The following KLRG1 variants were observed in gnomAD, a reference collection of about 807,000 sequenced individuals.
The protein encoded by KLRG1 is killer cell lectin-like receptor subfamily G member 1.
A neutral mutation model predicts 21.8 loss-of-function variants in KLRG1; 16 were observed. That is an observed-to-expected ratio of 0.73 (90% CI 0.50 to 1.11). The LOEUF (loss-of-function observed/expected upper bound fraction) is 1.11, where lower values mean the gene tolerates loss of function less well. Among genes scored for constraint, KLRG1 ranks in the 50% most tolerant of loss-of-function variants. The probability of loss-of-function intolerance (pLI) is 0.00; values close to 1 mark genes in which losing one functional copy is unlikely to be tolerated. For missense variants in KLRG1, 173 were observed against 218.3 expected, an observed-to-expected ratio of 0.79 and a Z score of 1.31; for synonymous variants, 69 against 75.9, an observed-to-expected ratio of 0.91 and a Z score of 0.47.
intron 1 of KLRG1, among the ~76,000 whole-genome samples, chr12:8,975,857 C>A (rs1946649820): frequency 6.6e-6 from 1 of 152,048 alleles, no homozygotes; most frequent in Non-Finnish European, 1.5e-5. Context: ...CCACTGGGCC[C>A]AGCTTTTTTT....
At chr12:9,071,791 G>A in the KLRG1 span, among the ~76,000 whole-genome samples, 1 of 152,122 alleles carries the variant, frequency 6.6e-6, no homozygotes, top group Non-Finnish European at 1.5e-5. Flanking sequence ...TTTGATGTGT[G>A]CCAGTTATTT....
chr12:9,074,369 C>T, the KLRG1 span, among the ~76,000 whole-genome samples: 2 of 152,172 alleles, frequency 1.3e-5, no homozygotes, highest in South Asian at 2.1e-4. Flanking sequence ...TGCCGGGATT[C>T]TGAGCATTTC....
the KLRG1 span, among the ~76,000 whole-genome samples, chr12:9,061,979 T>C: frequency 1.3e-5 from 2 of 151,958 alleles, no homozygotes; most frequent in Non-Finnish European, 2.9e-5. Context: ...TTATATAGTG[T>C]ATAAAAAATC....
chr12:9,100,619 A>G, the KLRG1 span, among the ~76,000 whole-genome samples: 1 of 152,184 alleles, frequency 6.6e-6, no homozygotes, highest in Admixed American at 6.5e-5. Flanking sequence ...ATAGGCTGAA[A>G]AAAAAGACAA....
chr12:9,022,059 AGGCT>A, the KLRG1 span, among the ~76,000 whole-genome samples: 48,750 of 151,882 alleles, frequency 0.32, 7,803 homozygotes, highest in Admixed American at 0.38. Flanking sequence ...CAGGAGGTTG[AGGCT>A]GGCTGTTGAG....
chr12:9,125,461 C>T, the KLRG1 span, among the ~76,000 whole-genome samples: 36 of 152,168 alleles, frequency 2.4e-4, no homozygotes, highest in Non-Finnish European at 4.4e-5. Flanking sequence ...TTAAGAAATA[C>T]AGAAAATACA....
intron 1 of KLRG1, among the ~76,000 whole-genome samples, chr12:8,958,424 C>G (rs901762939): frequency 6.6e-6 from 1 of 152,174 alleles, no homozygotes; most frequent in Admixed American, 6.5e-5. Flanking sequence ...ATAACACACT[C>G]CTGATTCTTC....
At chr12:9,190,333 C>T in the KLRG1 span, among the ~76,000 whole-genome samples, 1 of 152,194 alleles carries the variant, frequency 6.6e-6, no homozygotes, top group African/African-American at 2.4e-5. Flanking sequence ...AGAACGCCAT[C>T]ATGTCCTTTG....
the KLRG1 span, among the ~76,000 whole-genome samples, chr12:9,100,274 A>G: frequency 1.3e-5 from 2 of 152,228 alleles, no homozygotes. Flanking sequence ...GGTATATACA[A>G]CATACCTTGA....
At chr12:8,976,216 A>T (rs1293030587) in intron 1 of KLRG1, among the ~76,000 whole-genome samples, 1 of 152,018 alleles carries the variant, frequency 6.6e-6, no homozygotes, top group African/African-American at 2.4e-5. Flanking sequence ...TTCTTCTTTT[A>T]CCCAGTGGTT....
chr12:8,958,718 G>A (rs1333644922), intron 1 of KLRG1, among the ~76,000 whole-genome samples: 1 of 152,238 alleles, frequency 6.6e-6, no homozygotes, highest in African/African-American at 2.4e-5. Context: ...TTAGCTGAGC[G>A]TGGTGGCTTG....
At chr12:9,089,382 C>T in the KLRG1 span, 2 of 706,048 alleles carry the variant, frequency 2.8e-6, no homozygotes, top group Non-Finnish European at 4.9e-6. Context: ...AAATTCTGTA[C>T]ATATAAGCAA....
At position 8,954,977 on chromosome 12, in the gene KLRG1, T is replaced by C. The variant is rs375870199; in HGVS notation, c.-156+4741T>C. On this transcript the variant is annotated intron_variant, in intron 1 of 4. Transcript: ENST00000539240. ...TCTTGCCCAGGCTGGAGTGCAATGG[T>C]GCGATCTTGGCTCACTGCAACCTCT... is the stretch of plus-strand genomic sequence containing the variant. 4.6e-5 allele frequency among the ~76,000 whole-genome samples: 7 copies of C among 152,108 alleles called. No homozygotes were observed. In the East Asian group the frequency reaches 1.2e-3, roughly 25 times the overall value.
chr12:9,158,583 G>C, the KLRG1 span: 1 of 1,613,644 alleles, frequency 6.2e-7, no homozygotes, highest in Non-Finnish European at 8.5e-7. Flanking sequence ...GAGCCTAGGG[G>C]GAGGAAAAAT....
the KLRG1 span, among the ~76,000 whole-genome samples, chr12:9,137,605 T>C: frequency 3.8e-4 from 58 of 152,212 alleles, no homozygotes; most frequent in Middle Eastern, 3.4e-3. Flanking sequence ...AATCTATAGA[T>C]TGCTTTTGAT....
the KLRG1 span, among the ~76,000 whole-genome samples, chr12:9,098,060 A>C: frequency 6.6e-6 from 1 of 152,222 alleles, no homozygotes; most frequent in Non-Finnish European, 1.5e-5. Flanking sequence ...TACTGGTTGC[A>C]TGGAGCTCTG....
chr12:9,006,622 G>T (rs1055377274), intron 3 of KLRG1, among the ~76,000 whole-genome samples: 1 of 152,172 alleles, frequency 6.6e-6, no homozygotes, highest in Non-Finnish European at 1.5e-5. Context: ...GTTTAGCACT[G>T]GGAGAGAAAA....
chr12:9,080,208 A>T, the KLRG1 span: 6 of 1,422,896 alleles, frequency 4.2e-6, no homozygotes, highest in Non-Finnish European at 5.8e-6. Flanking sequence ...GACATATGAA[A>T]ATTATTTCTG....
chr12:9,094,097 AG>A, the KLRG1 span, among the ~76,000 whole-genome samples: 603 of 152,090 alleles, frequency 4.0e-3, 4 homozygotes, highest in African/African-American at 0.014. Flanking sequence ...GGCCGTGAAG[AG>A]GGGCAGGAAT....
Sources: allele counts gnomAD v4.1 joint callset (sites outside exome capture counted in the v4.1 genomes callset), GRCh38; gene constraint gnomAD v4.1.1; transcripts MANE v1.5; gene names NCBI Gene and HGNC (gene_info 2026-07-23, HGNC 2026-07-21).